The following FGF2 variants were observed in gnomAD, a reference collection of about 807,000 sequenced individuals.
FGF2 encodes the protein fibroblast growth factor 2.
In FGF2, 13 loss-of-function variants were observed where a neutral mutation model predicts 15.9. That is an observed-to-expected ratio of 0.82 (90% confidence interval 0.53 to 1.30). The LOEUF is 1.30. FGF2 is among the 50% of genes most tolerant of loss of function. The probability of loss-of-function intolerance (pLI) is 0.00; values close to 1 mark genes in which losing one functional copy is unlikely to be tolerated. For synonymous variants in FGF2, 90 were observed against 78.4 expected (o/e 1.15, Z -0.78); for missense variants, 163 against 196.9 (o/e 0.83, Z 1.03).
intron 2 of FGF2, among the ~76,000 whole-genome samples, chr4:122,887,372 C>T (rs558514406): frequency 6.6e-6 from 1 of 152,266 alleles, no homozygotes; most frequent in African/African-American, 2.4e-5. Flanking sequence ...ACTGATATCT[C>T]CAACCTTAAT....
intron 1 of FGF2, among the ~76,000 whole-genome samples, chr4:122,861,431 G>T (rs1726464466): frequency 6.6e-6 from 1 of 152,084 alleles, no homozygotes; most frequent in African/African-American, 2.4e-5. Flanking sequence ...AGTTATCCAA[G>T]ACAGAAAAAC....
At position 122,893,284 on chromosome 4, in the gene FGF2, T is replaced by C; in HGVS notation, c.*888T>C. 6.8e-7 allele frequency: 1 copy of C among 1,468,064 alleles called. No individual in the cohort carries two copies. Among genetic ancestry groups the C allele is most frequent in the South Asian group, 1.4e-5 (1 of 70,930 alleles). The allele number at this position is 1,468,064 out of a possible 1,614,324, so 90.9% of individuals were successfully genotyped here. A position where few individuals can be genotyped will look rare whatever the true frequency, so the allele number is the denominator to read the frequency against. On this transcript the variant is annotated 3_prime_UTR_variant, in exon 3 of 3. Transcript: ENST00000644866. Reference sequence around the variant, plus strand: ...AATTACACTTTTAGAAACTGTATCATCAAAGATTTTCAGTTAAAGTAGCAT... The same window carrying C: ...AATTACACTTTTAGAAACTGTATCACCAAAGATTTTCAGTTAAAGTAGCAT...
chr4:122,826,911 C>T lies in FGF2; in HGVS notation c.-264C>T, dbSNP rs749687881. On this transcript the variant is annotated 5_prime_UTR_variant, in exon 1 of 3. Transcript: ENST00000644866. ...TTGGGAGGCGGCTCTCCCCAGGCGG[C>T]GTCCGCGGAGACACCCATCCGTGAA... is the stretch of plus-strand genomic sequence containing the variant. The T allele has an allele frequency of 8.7e-6, 13 of 1,498,838 alleles. No individual in the cohort carries two copies. Among genetic ancestry groups the T allele is most frequent in the Admixed American group, 2.0e-5 (1 of 49,118 alleles). The allele number at this position is 1,498,838 out of a possible 1,614,324, so 92.8% of individuals were successfully genotyped here.
At chr4:122,843,849 A>G (rs994431299) in intron 1 of FGF2, among the ~76,000 whole-genome samples, 1 of 152,214 alleles carries the variant, frequency 6.6e-6, no homozygotes, top group Non-Finnish European at 1.5e-5. Context: ...TTTTTAAAAA[A>G]TGCTAATGAT....
chr4:122,854,943 C>T (rs958000209), intron 1 of FGF2, among the ~76,000 whole-genome samples: 3 of 152,040 alleles, frequency 2.0e-5, no homozygotes, highest in African/African-American at 7.2e-5. Context: ...CTTCCCTTCC[C>T]CACCCTGTGC....
intron 1 of FGF2, among the ~76,000 whole-genome samples, chr4:122,830,204 A>G (rs770419120): frequency 8.5e-5 from 13 of 152,168 alleles, no homozygotes; most frequent in Non-Finnish European, 1.8e-4. Flanking sequence ...TTGTGAGTGC[A>G]ATTTCTTCCC....
chr4:122,862,265 C>G (rs1468467009), intron 1 of FGF2, among the ~76,000 whole-genome samples: 1 of 152,148 alleles, frequency 6.6e-6, no homozygotes, highest in Non-Finnish European at 1.5e-5. Context: ...ACAGATCTCT[C>G]TAAATATCAG....
chr4:122,841,316 C>T (rs1176945958), intron 1 of FGF2, among the ~76,000 whole-genome samples: 1 of 152,214 alleles, frequency 6.6e-6, no homozygotes, highest in Non-Finnish European at 1.5e-5. Context: ...CCCTTTACCC[C>T]AGAAAATGTG....
At position 122,878,752 on chromosome 4, in the gene FGF2, G is replaced by C. The variant is rs371318872; in HGVS notation, c.282+2328G>C. Among the ~76,000 whole-genome samples, 13 of 152,330 alleles carry C rather than the reference G, an allele frequency of 8.5e-5. No individual in the cohort carries two copies. In the East Asian group the frequency reaches 1.7e-3, roughly 20 times the overall value. ...TCATGTTCTGATCCTGGCAATAACA[G>C]TAGGTCAGAGAGGAGTGAGGAAAGT... On this transcript the variant is annotated intron_variant, in intron 2 of 2. Transcript: ENST00000644866.
At chr4:122,832,054 AC>A (rs1028928357) in intron 1 of FGF2, among the ~76,000 whole-genome samples, 1 of 152,210 alleles carries the variant, frequency 6.6e-6, no homozygotes, top group Admixed American at 6.5e-5. Flanking sequence ...TTTTAAAACC[AC>A]GAGATGCCTG....
intron 1 of FGF2, among the ~76,000 whole-genome samples, chr4:122,854,734 A>C (rs1726303204): frequency 6.6e-6 from 1 of 152,110 alleles, no homozygotes; most frequent in Non-Finnish European, 1.5e-5. Flanking sequence ...TCTTGGCTGG[A>C]AGCGTGGTTT....
At chr4:122,864,113 C>T (rs892134755) in intron 1 of FGF2, among the ~76,000 whole-genome samples, 1 of 152,036 alleles carries the variant, frequency 6.6e-6, no homozygotes, top group African/African-American at 2.4e-5. Context: ...GCAGCCTAGC[C>T]AAGTTGATAC....
rs201116035 is a variant in FGF2 at position 122,892,222 on chromosome 4, G to A, written c.294G>A (p.Thr98=). Residue 98 remains threonine (T), a synonymous_variant, in exon 3 of 3, where the codon ACG becomes ACA. Coordinates refer to ENST00000644866, the MANE Select transcript of FGF2 (RefSeq NM_001361665.2). The part of the protein sequence containing the change: ...DGRLLASKCV[T]DECFFFERLE... ...CCTTTATTTTTCAGAAATGTGTTAC[G>A]GATGAGTGTTTCTTTTTTGAACGAT... 19 of 1,611,056 alleles carry A rather than the reference G, an allele frequency of 1.2e-5. No homozygotes were observed. Among genetic ancestry groups the A allele is most frequent in the South Asian group, 2.2e-5 (2 of 91,006 alleles).
At position 122,897,314 on chromosome 4, in the gene FGF2, C is replaced by A. The variant is rs935415415; in HGVS notation, c.*4918C>A. 3.5e-6 allele frequency: 1 copy of A among 285,428 alleles called. No homozygotes were observed. Among genetic ancestry groups the A allele is most frequent in the Non-Finnish European group, 6.5e-6 (1 of 153,794 alleles). 17.7% of individuals were successfully genotyped at this position (285,428 alleles called of 1,614,324 possible). A position where few individuals can be genotyped will look rare whatever the true frequency, so the allele number is the denominator to read the frequency against. Reference sequence around the variant, plus strand: ...ACAATATTAGTCGTATCCAAAATAACCTTTAATGCTAAACTTTACTGATGT... The same window carrying A: ...ACAATATTAGTCGTATCCAAAATAAACTTTAATGCTAAACTTTACTGATGT... On this transcript the variant is annotated 3_prime_UTR_variant, in exon 3 of 3. Coordinates refer to ENST00000644866, the MANE Select transcript of FGF2 (RefSeq NM_001361665.2).
At chr4:122,877,337 T>A (rs1726877496) in intron 2 of FGF2, among the ~76,000 whole-genome samples, 1 of 152,220 alleles carries the variant, frequency 6.6e-6, no homozygotes, top group South Asian at 2.1e-4. Context: ...GGTCCTGAAC[T>A]TCTGACCTCA....
intron 1 of FGF2, among the ~76,000 whole-genome samples, chr4:122,831,058 T>C (rs781613174): frequency 7.2e-5 from 11 of 152,176 alleles, no homozygotes; most frequent in Non-Finnish European, 1.3e-4. Flanking sequence ...CATAAAAACA[T>C]GGACTTGTGA....
chr4:122,859,640 G>T (rs1726419734), intron 1 of FGF2, among the ~76,000 whole-genome samples: 1 of 95,860 alleles, frequency 1.0e-5, no homozygotes, highest in Non-Finnish European at 2.1e-5. Flanking sequence ...ATATGGGTGT[G>T]TACATATGTA....
At chr4:122,892,177 A>G (rs1307431506) in intron 2 of FGF2, 34 bp from the exon 3 acceptor site, 1 of 1,491,210 alleles carries the variant, frequency 6.7e-7, no homozygotes, top group South Asian at 1.1e-5. Flanking sequence ...TAATAATGAT[A>G]ATAATAACAG....
At chr4:122,842,178 A>C (rs1726001328) in intron 1 of FGF2, among the ~76,000 whole-genome samples, 1 of 152,112 alleles carries the variant, frequency 6.6e-6, no homozygotes, top group East Asian at 1.9e-4. Context: ...ACCTTTCTAA[A>C]GACCTGTTGG....
Sources: gnomAD v4.1 joint callset for allele counts (sites outside exome capture counted in the v4.1 genomes callset) on GRCh38, gnomAD v4.1.1 for gene constraint, MANE v1.5 for transcripts, NCBI Gene and HGNC (gene_info 2026-07-23, HGNC 2026-07-21) for gene names.